CHFR: variants seen among roughly 807,000 people sequenced by gnomAD.
CHFR encodes checkpoint with forkhead and ring finger domains.
In CHFR, 57 loss-of-function variants were observed where a neutral mutation model predicts 87.6. That is an observed-to-expected ratio of 0.65 (90% confidence interval 0.53 to 0.81). The LOEUF (loss-of-function observed/expected upper bound fraction) is 0.81. CHFR is among the 30% of genes least tolerant of loss of function. CHFR has a pLI of 0.00. For synonymous variants in CHFR, 381 were observed against 359.2 expected, an observed-to-expected ratio of 1.06 and a Z score of -0.69; for missense variants, 797 against 865.8, an observed-to-expected ratio of 0.92 and a Z score of 1.00.
intron 13 of CHFR, 40 bp downstream of exon 13, chr12:132,848,601 C>A (rs1397071281): frequency 1.3e-6 from 2 of 1,486,880 alleles, no homozygotes; most frequent in Non-Finnish European, 1.8e-6. Flanking sequence ...AGAGAACATG[C>A]AAAGGTCAAA....
chr12:132,843,145 G>T, intron 16 of CHFR, 62 bp from the exon 17 acceptor site: 2 of 1,477,408 alleles, frequency 1.4e-6, no homozygotes, highest in South Asian at 1.2e-5. Context: ...TCAGCTACCT[G>T]AATCCCAGCA....
intron 14 of CHFR, chr12:132,847,656 T>A: frequency 9.2e-7 from 1 of 1,090,682 alleles, no homozygotes; most frequent in African/African-American, 1.6e-5. Flanking sequence ...CGAATGCGCA[T>A]GTTAAACATA....
chr12:132,842,365 C>T lies in CHFR; in HGVS notation c.1916+646G>A, dbSNP rs371521075. ...TCTTTTTGTAACAACATGGTCTCTTCCATGTGCTGTTTGTGCTCAAACACA... is the reference window on the plus strand; with the variant it reads ...TCTTTTTGTAACAACATGGTCTCTTTCATGTGCTGTTTGTGCTCAAACACA... On this transcript the variant is annotated intron_variant, in intron 17 of 17. Transcript: ENST00000450056. Among the ~76,000 whole-genome samples the T allele has an allele frequency of 1.6e-4, 25 of 152,348 alleles. No homozygotes were observed. In the East Asian group the frequency reaches 4.0e-3, roughly 25 times the overall value.
At chr12:132,876,960 A>G (rs1951643967) in intron 3 of CHFR, among the ~76,000 whole-genome samples, 1 of 151,930 alleles carries the variant, frequency 6.6e-6, no homozygotes, top group Non-Finnish European at 1.5e-5. Context: ...ACGCCCGGCT[A>G]ATTTTTATAT....
chr12:132,843,947 C>CA (rs150643970), intron 16 of CHFR, 80 bp downstream of exon 16: 55,339 of 732,350 alleles, frequency 0.076, 262 homozygotes, highest in Middle Eastern at 0.12. Flanking sequence ...GAAACTGTCT[C>CA]AAAAAAAAAA....
intron 12 of CHFR, 196 bp from the exon 13 acceptor site, chr12:132,848,920 C>T (rs1275826633): frequency 1.9e-6 from 1 of 532,152 alleles, no homozygotes; most frequent in Non-Finnish European, 3.3e-6. Context: ...GAGTTGTATC[C>T]CTGAAAAAAG....
intron 3 of CHFR, among the ~76,000 whole-genome samples, chr12:132,873,396 G>C (rs1951537552): frequency 1.3e-5 from 2 of 152,240 alleles, no homozygotes; most frequent in Non-Finnish European, 2.9e-5. Context: ...GTGTGTGTCT[G>C]AGTTCTGCTG....
intron 2 of CHFR, among the ~76,000 whole-genome samples, chr12:132,886,760 G>A (rs1382243484): frequency 6.6e-6 from 1 of 152,092 alleles, no homozygotes; most frequent in African/African-American, 2.4e-5. Flanking sequence ...ATACCTTTTG[G>A]TGTATTCTAT....
chr12:132,847,572 T>C, intron 14 of CHFR: 6 of 1,064,654 alleles, frequency 5.6e-6, no homozygotes, highest in Non-Finnish European at 6.8e-6. Context: ...AGCGGGCGCC[T>C]GCCAGGTGTG....
chr12:132,843,512 A>C (rs1950745144), intron 16 of CHFR, among the ~76,000 whole-genome samples: 1 of 152,218 alleles, frequency 6.6e-6, no homozygotes, highest in African/African-American at 2.4e-5. Context: ...ATGTCTTTAC[A>C]AATCTGTTTT....
At chr12:132,841,937 T>G (rs1950711270) in intron 17 of CHFR, among the ~76,000 whole-genome samples, 1 of 151,920 alleles carries the variant, frequency 6.6e-6, no homozygotes, top group Non-Finnish European at 1.5e-5. Context: ...TAAAACCCCA[T>G]CTCTACTAAA....
intron 2 of CHFR, among the ~76,000 whole-genome samples, chr12:132,881,592 G>T (rs1951770750): frequency 6.6e-6 from 1 of 152,142 alleles, no homozygotes; most frequent in Admixed American, 6.5e-5. Context: ...CACGGGCCGG[G>T]CACGGTGGCT....
rs370209943 is a variant in CHFR, at chr12:132,841,429, T to C, written c.*125A>G. The C allele has an allele frequency of 1.2e-3, 949 of 822,930 alleles. 17 individuals carry two copies. The South Asian group carries it at 0.013, about 11-fold the overall frequency. The allele number at this position is 822,930 out of a possible 1,614,324, so 51.0% of individuals were successfully genotyped here. On this transcript the variant is annotated 3_prime_UTR_variant, in exon 18 of 18. Coordinates refer to ENST00000450056, the MANE Select transcript of CHFR (RefSeq NM_001161346.2). ...CACAGAAGAGTCACCCCAGAGCACC[T>C]GTCGGAGACCCTGCGTCCCTTCCCT...
intron 14 of CHFR, 105 bp downstream of exon 14, chr12:132,847,980 C>T (rs951920324): frequency 1.7e-5 from 27 of 1,565,838 alleles, no homozygotes; most frequent in South Asian, 2.3e-5. Flanking sequence ...CAACCCGCAG[C>T]GGGTCAGGTA....
At position 132,848,713 on chromosome 12, in the gene CHFR, G is replaced by A; in HGVS notation, c.1504C>T (p.Leu502=). The part of the protein sequence containing the change: ...RVAPQQCAVC[L]QPFCHLYWGC... ...CAGTACAGGTGGCAGAAAGGCTGCA[G>A]GCAGACCGCACCTGTGGAGAGAGGA... Residue 502 remains leucine (L), a synonymous_variant, in exon 13 of 18, where the codon CTG becomes TTG. Coordinates refer to ENST00000450056, the MANE Select transcript of CHFR (RefSeq NM_001161346.2). The A allele has an allele frequency of 6.3e-7, 1 of 1,585,606 alleles. No individual in the cohort carries two copies. The highest frequency in any genetic ancestry group is 8.6e-7 in the Non-Finnish European group (1 of 1,165,994).
chr12:132,885,759 G>A (rs531259393), intron 2 of CHFR, among the ~76,000 whole-genome samples: 2 of 152,276 alleles, frequency 1.3e-5, no homozygotes, highest in African/African-American at 4.8e-5. Context: ...TATGAAGTAG[G>A]TACATAGGCG....
At position 132,853,526 on chromosome 12, in the gene CHFR, G is replaced by A. The variant is rs374229656; in HGVS notation, c.1277C>T (p.Ala426Val). 191 of 1,530,596 alleles carry A rather than the reference G, an allele frequency of 1.2e-4. 1 individual carries two copies. The Middle Eastern group carries it at 1.7e-3, about 14-fold the overall frequency. 94.8% of individuals were successfully genotyped at this position (1,530,596 alleles called of 1,614,324 possible). A position where few individuals can be genotyped will look rare whatever the true frequency, so the allele number is the denominator to read the frequency against. ...CRQCPEYRRQ[A>V]AQPPHCPAPE... ...TGCTGGGCAGTGGGGAGGCTGCGCCGCCTGCCTTCTGTACTCAGGACACTG... is the reference window on the plus strand; with the variant it reads ...TGCTGGGCAGTGGGGAGGCTGCGCCACCTGCCTTCTGTACTCAGGACACTG... Residue 426 changes from alanine to valine, a missense_variant, in exon 11 of 18, where the codon GCG becomes GTG. Physicochemically the swap from Ala to Val is moderately conservative, Grantham distance 64. Coordinates refer to ENST00000450056, the MANE Select transcript of CHFR (RefSeq NM_001161346.2).
intron 6 of CHFR, chr12:132,867,970 A>AT (rs1951386235): frequency 6.7e-6 from 1 of 149,110 alleles, no homozygotes; most frequent in South Asian, 2.5e-4. Context: ...AAAAAAAAAT[A>AT]ATATGTATAG....
chr12:132,845,522 C>T (rs981232624), intron 15 of CHFR, among the ~76,000 whole-genome samples: 8 of 151,950 alleles, frequency 5.3e-5, no homozygotes, highest in African/African-American at 1.2e-4. Flanking sequence ...TGGTAGCACA[C>T]GCTTGTGGTC....
Sources: gnomAD v4.1 joint callset for allele counts (sites outside exome capture counted in the v4.1 genomes callset) on GRCh38, gnomAD v4.1.1 for gene constraint, MANE v1.5 for transcripts, NCBI Gene and HGNC (gene_info 2026-07-23, HGNC 2026-07-21) for gene names.